The following BMPR1B variants were observed in gnomAD, a reference collection of about 807,000 sequenced individuals.
The protein encoded by BMPR1B is bone morphogenetic protein receptor type-1B.
Under a neutral mutation model 59.1 loss-of-function variants are expected in BMPR1B, and 12 were observed. The ratio of observed to expected loss-of-function variants is 0.20; its 90% CI spans 0.13 to 0.33. BMPR1B has a LOEUF of 0.33. BMPR1B is among the 10% of genes least tolerant of loss of function. The pLI is 1.00. For synonymous variants in BMPR1B, 237 were observed against 207.3 expected, an observed-to-expected ratio of 1.14 and a Z score of -1.23; for missense variants, 550 against 610.9, an observed-to-expected ratio of 0.90 and a Z score of 1.05.
At chr4:94,949,935 C>T (rs10004255) in intron 2 of BMPR1B, among the ~76,000 whole-genome samples, 4,760 of 152,264 alleles carry the variant, frequency 0.031, 117 homozygotes, top group African/African-American at 0.065. Context: ...TATTACTCCA[C>T]GTCCTCTCCA....
chr4:95,126,117 G>A (rs569623057), intron 8 of BMPR1B, among the ~76,000 whole-genome samples: 6 of 152,130 alleles, frequency 3.9e-5, no homozygotes, highest in Non-Finnish European at 8.8e-5. Flanking sequence ...TTTATCTTCT[G>A]TGATAACATT....
intron 3 of BMPR1B, among the ~76,000 whole-genome samples, chr4:95,034,906 A>C (rs1012890512): frequency 6.6e-6 from 1 of 152,102 alleles, no homozygotes; most frequent in African/African-American, 2.4e-5. Context: ...GCAGTATACT[A>C]GTTGTTCCCT....
chr4:95,087,319 A>C (rs977897845), intron 3 of BMPR1B, among the ~76,000 whole-genome samples: 4 of 152,128 alleles, frequency 2.6e-5, no homozygotes, highest in Admixed American at 2.6e-4. Context: ...ATTATATTTA[A>C]TTTTATAGTG....
At chr4:94,795,440 T>G (rs560748588) in intron 1 of BMPR1B, among the ~76,000 whole-genome samples, 2 of 152,302 alleles carry the variant, frequency 1.3e-5, no homozygotes, top group South Asian at 4.1e-4. Context: ...GAAACATTTT[T>G]TTTTTTCAAA....
At chr4:95,042,064 G>T (rs1725695996) in intron 3 of BMPR1B, among the ~76,000 whole-genome samples, 1 of 152,024 alleles carries the variant, frequency 6.6e-6, no homozygotes, top group South Asian at 2.1e-4. Flanking sequence ...CACTCTGTTA[G>T]CCAGGATGGT....
At chr4:94,853,690 G>T (rs533569987) in intron 1 of BMPR1B, among the ~76,000 whole-genome samples, 5 of 152,190 alleles carry the variant, frequency 3.3e-5, no homozygotes, top group Non-Finnish European at 7.4e-5. Context: ...GGTCAGACTA[G>T]CAGCACATGC....
chr4:94,941,050 T>G (rs184513960), intron 2 of BMPR1B, among the ~76,000 whole-genome samples: 1 of 152,232 alleles, frequency 6.6e-6, no homozygotes, highest in Non-Finnish European at 1.5e-5. Flanking sequence ...AAACAGCCTG[T>G]GAAATTCAAC....
chr4:94,958,236 C>T (rs545526631), intron 2 of BMPR1B, among the ~76,000 whole-genome samples: 1 of 152,278 alleles, frequency 6.6e-6, no homozygotes, highest in South Asian at 2.1e-4. Context: ...ATAATAAGCA[C>T]ACCTTCCATA....
At chr4:95,112,190 A>G (rs954027532) in intron 4 of BMPR1B, among the ~76,000 whole-genome samples, 28 of 152,142 alleles carry the variant, frequency 1.8e-4, no homozygotes, top group African/African-American at 6.3e-4. Context: ...CTTATTTTCA[A>G]TTTTGTTTAA....
At chr4:95,003,394 A>T (rs1194469643) in intron 3 of BMPR1B, among the ~76,000 whole-genome samples, 1 of 152,072 alleles carries the variant, frequency 6.6e-6, no homozygotes, top group Non-Finnish European at 1.5e-5. Context: ...TTGCATTAAC[A>T]TTTTTATCTC....
intron 1 of BMPR1B, among the ~76,000 whole-genome samples, chr4:94,789,171 T>C (rs1722873684): frequency 6.6e-6 from 1 of 152,214 alleles, no homozygotes. Flanking sequence ...ACAATCCGAT[T>C]GAGAAATGGT....
chr4:94,957,599 C>T (rs190811676), intron 2 of BMPR1B, among the ~76,000 whole-genome samples: 1 of 151,972 alleles, frequency 6.6e-6, no homozygotes, highest in African/African-American at 2.4e-5. Flanking sequence ...ACTGGCCCAC[C>T]TTTCTACTGT....
intron 3 of BMPR1B, among the ~76,000 whole-genome samples, chr4:95,057,927 A>G (rs556778099): frequency 1.3e-5 from 2 of 152,192 alleles, no homozygotes; most frequent in African/African-American, 4.8e-5. Flanking sequence ...ATGTATTTCT[A>G]TAGGTCCTAC....
chr4:94,873,410 C>CTCT (rs763544899), intron 1 of BMPR1B, among the ~76,000 whole-genome samples: 2,852 of 139,608 alleles, frequency 0.02, 46 homozygotes, highest in African/African-American at 0.039. Flanking sequence ...GCTATGAATT[C>CTCT]TTTTTTTTTT....
Position 94,830,381 on chromosome 4 carries a change from A to G in BMPR1B, c.-182-45450A>G, listed in dbSNP as rs1274819671. 3.3e-5 allele frequency among the ~76,000 whole-genome samples: 5 copies of G among 152,194 alleles called. No homozygotes were observed. The East Asian group carries it at 9.6e-4, about 29-fold the overall frequency. ...GTATTTATAAATATAATTCTGTTAG[A>G]TAAATAAGTGATTCATATTTTGTCA... On this transcript the variant is annotated intron_variant, in intron 1 of 12. Coordinates refer to ENST00000515059, the MANE Select transcript of BMPR1B (RefSeq NM_001203.3).
chr4:94,807,658 T>C (rs1172788727), intron 1 of BMPR1B, among the ~76,000 whole-genome samples: 2 of 152,254 alleles, frequency 1.3e-5, no homozygotes, highest in Non-Finnish European at 2.9e-5. Flanking sequence ...ATATGTTTAA[T>C]TGAGCTTTGT....
At chr4:95,028,435 T>G (rs1009412317) in intron 3 of BMPR1B, among the ~76,000 whole-genome samples, 4 of 152,102 alleles carry the variant, frequency 2.6e-5, no homozygotes, top group Non-Finnish European at 5.9e-5. Flanking sequence ...ACCAAGACTG[T>G]CAAGGGGTAT....
At chr4:95,021,279 A>G (rs1232295174) in intron 3 of BMPR1B, among the ~76,000 whole-genome samples, 3 of 152,224 alleles carry the variant, frequency 2.0e-5, no homozygotes, top group African/African-American at 7.2e-5. Flanking sequence ...TGGCCTAGAA[A>G]GAATGCAGTG....
chr4:95,086,998 CTTTTTTTT>C (rs34460668), intron 3 of BMPR1B, among the ~76,000 whole-genome samples: 44 of 103,112 alleles, frequency 4.3e-4, no homozygotes, highest in African/African-American at 1.7e-3. Flanking sequence ...TCATATCCTT[CTTTTTTTT>C]TTTTTTTTTT....
Sources: gnomAD v4.1 joint callset for allele counts (sites outside exome capture counted in the v4.1 genomes callset) on GRCh38, gnomAD v4.1.1 for gene constraint, MANE v1.5 for transcripts, NCBI Gene and HGNC (gene_info 2026-07-23, HGNC 2026-07-21) for gene names.